ABCC4: variants seen among roughly 807,000 people sequenced by gnomAD.
ABCC4 encodes the protein ATP-binding cassette sub-family C member 4.
Under a neutral mutation model 168.5 loss-of-function variants are expected in ABCC4, and 102 were observed. The observed-to-expected ratio is 0.61, with a 90% CI of 0.52 to 0.71. The LOEUF (loss-of-function observed/expected upper bound fraction) is 0.71, where lower values mean the gene tolerates loss of function less well. Ranked by LOEUF, ABCC4 falls within the 30% of genes least tolerant of loss-of-function variation. The pLI, the probability that ABCC4 is intolerant of heterozygous loss-of-function variation, is 0.00. For missense variants in ABCC4, 1,402 were observed against 1,605.8 expected (o/e 0.87, Z 2.17); for synonymous variants, 617 against 590.7 (o/e 1.04, Z -0.65).
At chr13:95,292,245 G>A (rs1275221986) in intron 1 of ABCC4, among the ~76,000 whole-genome samples, 4 of 152,144 alleles carry the variant, frequency 2.6e-5, no homozygotes, top group African/African-American at 9.7e-5. Context: ...TGTGGTCCCA[G>A]CTACTCAGGG....
intron 24 of ABCC4, among the ~76,000 whole-genome samples, chr13:95,072,574 C>G (rs751752514): frequency 4.6e-5 from 7 of 152,180 alleles, no homozygotes; most frequent in African/African-American, 7.2e-5. Context: ...AACTTTTGCT[C>G]TATGAGAAGA....
chr13:95,135,621 C>A (rs2036121397), intron 19 of ABCC4, among the ~76,000 whole-genome samples: 1 of 152,076 alleles, frequency 6.6e-6, no homozygotes, highest in Admixed American at 6.6e-5. Context: ...GCCATGTTGA[C>A]CAAGCTGGTC....
intron 19 of ABCC4, among the ~76,000 whole-genome samples, chr13:95,135,128 G>A (rs760594057): frequency 2.3e-4 from 35 of 152,170 alleles, no homozygotes; most frequent in Admixed American, 4.6e-4. Flanking sequence ...GTGGGTAGGA[G>A]AGACCAAATC....
chr13:95,161,217 C>G lies in ABCC4; in HGVS notation c.2427G>C (p.Pro809=). 1 of 1,606,748 alleles carries G rather than the reference C, an allele frequency of 6.2e-7. No individual in the cohort carries two copies. The highest frequency in any genetic ancestry group is 8.5e-7 in the Non-Finnish European group (1 of 1,178,358). The stretch of plus-strand genomic sequence containing the variant: ...TTGGATTTCTATCAAAGAATAATAC[C>G]GGAGCTTTCAGAATTGACTCAAACA... The part of the protein sequence containing the change: ...NKMFESILKA[P]VLFFDRNPIG... Residue 809 remains proline (P), a synonymous_variant, in exon 19 of 31, where the codon CCG becomes CCC. Coordinates refer to ENST00000645237, the MANE Select transcript of ABCC4 (RefSeq NM_005845.5).
At chr13:95,115,205 AT>A (rs974564314) in intron 20 of ABCC4, among the ~76,000 whole-genome samples, 1 of 151,520 alleles carries the variant, frequency 6.6e-6, no homozygotes, top group Non-Finnish European at 1.5e-5. Context: ...ACCCAATATT[AT>A]TTTTTAGAGC....
chr13:95,175,381 C>T (rs1566492592), intron 13 of ABCC4, among the ~76,000 whole-genome samples: 1 of 152,108 alleles, frequency 6.6e-6, no homozygotes, highest in Non-Finnish European at 1.5e-5. Context: ...GGCGCTATCT[C>T]GGCTCACTGC....
intron 8 of ABCC4, among the ~76,000 whole-genome samples, chr13:95,199,109 A>G (rs1467087108): frequency 6.6e-6 from 1 of 152,222 alleles, no homozygotes; most frequent in Admixed American, 6.5e-5. Context: ...CATGTGTCCC[A>G]GAAAAAGTAT....
chr13:95,204,783 G>A (rs969940737), intron 8 of ABCC4, among the ~76,000 whole-genome samples: 2 of 152,148 alleles, frequency 1.3e-5, no homozygotes, highest in Non-Finnish European at 2.9e-5. Context: ...ACCTATTACA[G>A]GAGCCAGTTT....
At chr13:95,163,324 T>C (rs1480969368) in intron 17 of ABCC4, 108 bp from the exon 18 acceptor site, 6 of 774,790 alleles carry the variant, frequency 7.7e-6, no homozygotes, top group South Asian at 7.0e-5. Context: ...TGCTGGAAAA[T>C]GATTCTCAGC....
intron 26 of ABCC4, among the ~76,000 whole-genome samples, chr13:95,061,291 T>TTG (rs1372779282): frequency 2.0e-5 from 3 of 152,152 alleles, no homozygotes; most frequent in African/African-American, 7.2e-5. Context: ...TCTACAGTGT[T>TTG]TTCCAAAGTG....
chr13:95,223,491 G>A (rs2039362858), intron 4 of ABCC4, among the ~76,000 whole-genome samples: 2 of 152,194 alleles, frequency 1.3e-5, no homozygotes, highest in South Asian at 4.1e-4. Flanking sequence ...GCAAAAAAGT[G>A]TAAAGTTTTT....
chr13:95,158,249 T>G (rs1341626023), intron 19 of ABCC4, among the ~76,000 whole-genome samples: 2 of 151,958 alleles, frequency 1.3e-5, no homozygotes, highest in African/African-American at 4.8e-5. Flanking sequence ...GGTCGCCCAT[T>G]CATTAACCAC....
chr13:95,032,855 G>C (rs1241574594), intron 30 of ABCC4, among the ~76,000 whole-genome samples: 2 of 151,346 alleles, frequency 1.3e-5, no homozygotes, highest in African/African-American at 4.9e-5. Context: ...AGTAGAGATG[G>C]ATTTCACCAT....
chr13:95,172,048 T>C (rs143558417), intron 13 of ABCC4, among the ~76,000 whole-genome samples: 93 of 152,316 alleles, frequency 6.1e-4, no homozygotes, highest in African/African-American at 2.2e-3. Context: ...ATCAGCCAAC[T>C]CAAAGGTTTC....
At chr13:95,251,854 G>A (rs1400667087) in intron 1 of ABCC4, among the ~76,000 whole-genome samples, 1 of 152,180 alleles carries the variant, frequency 6.6e-6, no homozygotes, top group Non-Finnish European at 1.5e-5. Flanking sequence ...TCCACAGGTT[G>A]AGTTACCCAC....
intron 19 of ABCC4, among the ~76,000 whole-genome samples, chr13:95,144,081 G>A (rs534279167): frequency 2.6e-5 from 4 of 151,954 alleles, no homozygotes; most frequent in South Asian, 2.1e-4. Flanking sequence ...ACAGATAAAC[G>A]CATCCATTAG....
In ABCC4 at chr13:95,170,613, A is replaced by G; in HGVS notation, c.1743T>C (p.Ile581=). Residue 581 remains isoleucine, a synonymous_variant, in exon 14 of 31, where the codon ATT becomes ATC. Coordinates refer to ENST00000645237, the MANE Select transcript of ABCC4 (RefSeq NM_005845.5). ...CTAAAATTGTGATCTTCTCATGCAA[A>G]ATTTGACAAATACACCTATAAATGT... ...RHLFELCICQ[I]LHEKITILVT... 6.2e-7 allele frequency: 1 copy of G among 1,610,480 alleles called. No individual in the cohort carries two copies. The highest frequency in any genetic ancestry group is 8.5e-7 in the Non-Finnish European group (1 of 1,178,446).
chr13:95,037,403 A>T (rs1446567996), intron 29 of ABCC4, among the ~76,000 whole-genome samples: 1 of 152,244 alleles, frequency 6.6e-6, no homozygotes, highest in Admixed American at 6.5e-5. Context: ...TCCAATATTG[A>T]GTGAATGTCT....
intron 26 of ABCC4, among the ~76,000 whole-genome samples, chr13:95,059,729 C>G (rs1594027052): frequency 6.6e-6 from 1 of 151,976 alleles, no homozygotes; most frequent in African/African-American, 2.4e-5. Context: ...AAAATAGAAA[C>G]AGAAGTTAAT....
Sources: allele counts gnomAD v4.1 joint callset (sites outside exome capture counted in the v4.1 genomes callset), GRCh38; gene constraint gnomAD v4.1.1; transcripts MANE v1.5; gene names NCBI Gene and HGNC (gene_info 2026-07-23, HGNC 2026-07-21).